The following CUL5 variants were observed in gnomAD, a reference collection of about 807,000 sequenced individuals.
CUL5 encodes cullin 5.
CUL5 carries 26 observed loss-of-function variants against 108.8 expected under a neutral mutation model. The ratio of observed to expected loss-of-function variants is 0.24; its 90% confidence interval spans 0.18 to 0.33. The LOEUF (loss-of-function observed/expected upper bound fraction) is 0.33. Among genes scored for constraint, CUL5 ranks in the 10% least tolerant of loss-of-function variants. CUL5 has a pLI of 1.00. For missense variants in CUL5, 524 were observed against 909.2 expected, an observed-to-expected ratio of 0.58 and a Z score of 5.45; for synonymous variants, 334 against 298.0, an observed-to-expected ratio of 1.12 and a Z score of -1.25.
At position 108,016,232 on chromosome 11, in the gene CUL5, T is replaced by TTTCTC. The variant is rs149084814; in HGVS notation, c.24+6876_24+6880dup. On this transcript the variant is annotated intron_variant, in intron 1 of 18. Coordinates refer to ENST00000393094, the MANE Select transcript of CUL5 (RefSeq NM_003478.6). ...GCTAGTCAGCCAGAGAGGTTTTTCT[T>TTTCTC]TTCTCTTCTCTTCTCTTCTCGTCTT... is the stretch of plus-strand genomic sequence containing the variant. 8.8e-3 allele frequency among the ~76,000 whole-genome samples: 1,337 copies of TTTCTC among 151,450 alleles called. 16 individuals carry two copies. The highest frequency in any genetic ancestry group is 0.03 in the East Asian group (152 of 5,112).
At chr11:108,060,606 C>T (rs1033150283) in intron 7 of CUL5, among the ~76,000 whole-genome samples, 6 of 152,002 alleles carry the variant, frequency 3.9e-5, no homozygotes, top group Non-Finnish European at 5.9e-5. Context: ...GAGGCCGAGG[C>T]GGGTGGATCA....
intron 7 of CUL5, among the ~76,000 whole-genome samples, chr11:108,060,376 A>C (rs1863503130): frequency 6.6e-6 from 1 of 152,212 alleles, no homozygotes; most frequent in Non-Finnish European, 1.5e-5. Context: ...AGAATCATAA[A>C]GTGGGGGAAC....
intron 11 of CUL5, among the ~76,000 whole-genome samples, chr11:108,087,710 C>T (rs750387319): frequency 1.3e-5 from 2 of 152,108 alleles, no homozygotes; most frequent in African/African-American, 4.8e-5. Context: ...GCGTATAATC[C>T]TAGCACTTTT....
At chr11:108,049,846 A>G (rs1453039040) in intron 3 of CUL5, 44 bp from the exon 4 acceptor site, 10 of 1,511,422 alleles carry the variant, frequency 6.6e-6, no homozygotes, top group Non-Finnish European at 9.0e-6. Context: ...TAATTTTTCA[A>G]AGCAACTGCA....
intron 1 of CUL5, among the ~76,000 whole-genome samples, chr11:108,026,566 G>T (rs1028074864): frequency 3.3e-5 from 5 of 152,104 alleles, no homozygotes; most frequent in African/African-American, 1.2e-4. Flanking sequence ...ATATGCGCTA[G>T]ATCCCATTCC....
At chr11:108,094,737 CAA>C (rs1864446986) in intron 14 of CUL5, 73 bp from the exon 15 acceptor site, 2 of 1,203,522 alleles carry the variant, frequency 1.7e-6, no homozygotes, top group East Asian at 2.5e-5. Flanking sequence ...ATTTTTCACC[CAA>C]AGTTACCCTG....
At chr11:108,023,220 G>T (rs1169019129) in intron 1 of CUL5, among the ~76,000 whole-genome samples, 1 of 152,190 alleles carries the variant, frequency 6.6e-6, no homozygotes, top group African/African-American at 2.4e-5. Context: ...TTGCACTCCA[G>T]CCTGGGCAAC....
At chr11:108,078,453 AT>A (rs1459116404) in intron 11 of CUL5, among the ~76,000 whole-genome samples, 4 of 152,034 alleles carry the variant, frequency 2.6e-5, no homozygotes, top group Admixed American at 6.5e-5. Context: ...TAAAAAAAAA[AT>A]ATTCCTAATC....
At chr11:108,093,597 T>C (rs1864411507) in intron 13 of CUL5, among the ~76,000 whole-genome samples, 1 of 152,246 alleles carries the variant, frequency 6.6e-6, no homozygotes, top group South Asian at 2.1e-4. Context: ...TAAGTAGTCA[T>C]GTGGGTTTAT....
chr11:108,096,511 A>C (rs1864500895), intron 16 of CUL5, among the ~76,000 whole-genome samples: 1 of 151,476 alleles, frequency 6.6e-6, no homozygotes, highest in Non-Finnish European at 1.5e-5. Flanking sequence ...AAAAAAGAGA[A>C]AGATTGAGTT....
intron 18 of CUL5, among the ~76,000 whole-genome samples, chr11:108,102,239 G>A (rs537661216): frequency 2.6e-5 from 4 of 151,934 alleles, no homozygotes; most frequent in East Asian, 3.9e-4. Flanking sequence ...CATGTTGGCC[G>A]GGCTGATCTC....
At chr11:108,034,101 C>G (rs552765337) in intron 2 of CUL5, among the ~76,000 whole-genome samples, 190 bp downstream of exon 2, 9 of 152,110 alleles carry the variant, frequency 5.9e-5, no homozygotes, top group African/African-American at 2.2e-4. Flanking sequence ...ACTGAACATA[C>G]AATCATACTC....
chr11:108,049,855 CATTT>C (rs1246349211), intron 3 of CUL5, 31 bp from the exon 4 acceptor site: 1 of 1,548,638 alleles, frequency 6.5e-7, no homozygotes, highest in African/African-American at 1.4e-5. Flanking sequence ...AAAGCAACTG[CATTT>C]ATTTCAAATT....
At chr11:108,076,026 T>TTTTA (rs913287742) in intron 10 of CUL5, among the ~76,000 whole-genome samples, 31 of 152,192 alleles carry the variant, frequency 2.0e-4, no homozygotes, top group Admixed American at 1.6e-3. Flanking sequence ...ATTTGTTTTG[T>TTTTA]TTTATTTATT....
In CUL5 at chr11:108,009,218, C is replaced by T. The variant is rs1162971500; in HGVS notation, c.-131C>T. 5.4e-6 allele frequency: 5 copies of T among 919,156 alleles called. No individual in the cohort carries two copies. The highest frequency in any genetic ancestry group is 1.5e-5 in the South Asian group (1 of 66,026). 56.9% of individuals were successfully genotyped at this position (919,156 alleles called of 1,614,324 possible). A position where few individuals can be genotyped will look rare whatever the true frequency, so the allele number is the denominator to read the frequency against. On this transcript the variant is annotated 5_prime_UTR_variant, in exon 1 of 19. Coordinates refer to ENST00000393094, the MANE Select transcript of CUL5 (RefSeq NM_003478.6). ...AGGTCAGCGCTGTCGGCGCGCTGCT[C>T]CAGCGCCCACCACACCCTGGTGCGG...
intron 18 of CUL5, among the ~76,000 whole-genome samples, chr11:108,099,426 A>G (rs375169346): frequency 1.3e-5 from 2 of 152,220 alleles, no homozygotes; most frequent in Non-Finnish European, 2.9e-5. Flanking sequence ...TTGCATTTCT[A>G]TGGGGCAATA....
intron 1 of CUL5, among the ~76,000 whole-genome samples, chr11:108,031,454 T>G (rs1862581841): frequency 6.6e-6 from 1 of 152,204 alleles, no homozygotes; most frequent in Non-Finnish European, 1.5e-5. Flanking sequence ...TTAATCCATC[T>G]TGAGTTAATT....
intron 10 of CUL5, among the ~76,000 whole-genome samples, chr11:108,077,881 G>A (rs1334891720): frequency 6.6e-6 from 1 of 152,062 alleles, no homozygotes; most frequent in Non-Finnish European, 1.5e-5. Context: ...CCCAGGAGGC[G>A]GAGGTTGCAG....
intron 7 of CUL5, among the ~76,000 whole-genome samples, chr11:108,065,011 T>G (rs1159143084): frequency 1.3e-5 from 2 of 151,958 alleles, no homozygotes; most frequent in African/African-American, 4.8e-5. Context: ...TTATTTCATT[T>G]TATTTATTTA....
Sources: allele counts gnomAD v4.1 joint callset (sites outside exome capture counted in the v4.1 genomes callset), GRCh38; gene constraint gnomAD v4.1.1; transcripts MANE v1.5; gene names NCBI Gene and HGNC (gene_info 2026-07-23, HGNC 2026-07-21).